The following BFSP2 variants were observed in gnomAD, a reference collection of about 807,000 sequenced individuals.
BFSP2 encodes the protein phakinin.
A neutral mutation model predicts 44.9 loss-of-function variants in BFSP2; 38 were observed. The ratio of observed to expected loss-of-function variants is 0.85; its 90% CI spans 0.65 to 1.11. The LOEUF (loss-of-function observed/expected upper bound fraction) is 1.11. Ranked by LOEUF, BFSP2 falls within the 50% of genes least tolerant of loss-of-function variation. BFSP2 has a pLI of 0.00. For missense variants in BFSP2, 525 were observed against 533.0 expected (o/e 0.99, Z 0.15); for synonymous variants, 197 against 209.9 (o/e 0.94, Z 0.53).
intron 1 of BFSP2, among the ~76,000 whole-genome samples, chr3:133,408,186 A>G (rs59988687): frequency 0.039 from 6,005 of 152,294 alleles, 238 homozygotes; most frequent in African/African-American, 0.099. Flanking sequence ...AAAAGCCGAT[A>G]GCACTCTTTT....
chr3:133,457,013 A>G (rs948499014), intron 4 of BFSP2, among the ~76,000 whole-genome samples: 1 of 152,242 alleles, frequency 6.6e-6, no homozygotes, highest in Non-Finnish European at 1.5e-5. Flanking sequence ...ACAAGAGTCA[A>G]TATTTTCTAA....
chr3:133,472,059 C>G (rs1048731454), intron 5 of BFSP2, among the ~76,000 whole-genome samples: 8 of 152,114 alleles, frequency 5.3e-5, no homozygotes, highest in Admixed American at 3.9e-4. Context: ...CCTCACACCC[C>G]CTTTCTTTTC....
At chr3:133,425,676 GTTCCGTCTCTCTT>G (rs2073637750) in intron 1 of BFSP2, among the ~76,000 whole-genome samples, 2 of 151,628 alleles carry the variant, frequency 1.3e-5, no homozygotes, top group African/African-American at 4.8e-5. Flanking sequence ...GCTGAAGTCA[GTTCCGTCTCTCTT>G]TCCTGCTATT....
chr3:133,414,580 C>T (rs1461676173), intron 1 of BFSP2, among the ~76,000 whole-genome samples: 1 of 126,726 alleles, frequency 7.9e-6, no homozygotes, highest in East Asian at 2.6e-4. Flanking sequence ...CCTCTCCTCT[C>T]TACTCAGCCC....
chr3:133,456,066 C>T (rs1346803889), intron 4 of BFSP2, among the ~76,000 whole-genome samples: 2 of 152,200 alleles, frequency 1.3e-5, no homozygotes, highest in Non-Finnish European at 2.9e-5. Context: ...ATCACCAGCA[C>T]AAGTTGGTGG....
At chr3:133,422,759 C>T (rs1349774194) in intron 1 of BFSP2, among the ~76,000 whole-genome samples, 2 of 152,266 alleles carry the variant, frequency 1.3e-5, no homozygotes, top group Non-Finnish European at 2.9e-5. Context: ...ACCCCCAGCC[C>T]AGCACCTGCC....
At chr3:133,455,108 T>G (rs1439035407) in intron 4 of BFSP2, among the ~76,000 whole-genome samples, 1 of 152,224 alleles carries the variant, frequency 6.6e-6, no homozygotes, top group Admixed American at 6.5e-5. Flanking sequence ...CTGAGGCTGT[T>G]TTACCGTTAA....
chr3:133,405,520 T>G (rs1217569094), intron 1 of BFSP2, among the ~76,000 whole-genome samples: 1 of 151,958 alleles, frequency 6.6e-6, no homozygotes, highest in East Asian at 1.9e-4. Flanking sequence ...TAGAAGGCTC[T>G]CTTTTTAGAA....
At chr3:133,420,550 T>C (rs953533666) in intron 1 of BFSP2, among the ~76,000 whole-genome samples, 2 of 152,142 alleles carry the variant, frequency 1.3e-5, no homozygotes, top group Non-Finnish European at 2.9e-5. Context: ...TGATATTCTG[T>C]AAACGCTCGT....
chr3:133,433,888 T>G (rs1412402545), intron 1 of BFSP2, among the ~76,000 whole-genome samples: 1 of 152,206 alleles, frequency 6.6e-6, no homozygotes, highest in Non-Finnish European at 1.5e-5. Flanking sequence ...CCATTTAAGC[T>G]CCCGTATAGA....
At chr3:133,455,588 A>G (rs1245690259) in intron 4 of BFSP2, 1 of 152,184 alleles carries the variant, frequency 6.6e-6, no homozygotes, top group Non-Finnish European at 1.5e-5. Context: ...TACATGTCAA[A>G]ATCTCTTCAT....
At chr3:133,426,869 C>T (rs1194042312) in intron 1 of BFSP2, among the ~76,000 whole-genome samples, 6 of 152,312 alleles carry the variant, frequency 3.9e-5, no homozygotes, top group Middle Eastern at 6.8e-3. Flanking sequence ...GAGAGAGAAA[C>T]ATCATTTAAG....
At chr3:133,456,140 G>C (rs1188157361) in intron 4 of BFSP2, among the ~76,000 whole-genome samples, 1 of 152,202 alleles carries the variant, frequency 6.6e-6, no homozygotes, top group Non-Finnish European at 1.5e-5. Context: ...CAAATGGATT[G>C]CTCCCATGCT....
At chr3:133,407,306 T>G (rs142405963) in intron 1 of BFSP2, among the ~76,000 whole-genome samples, 119 of 152,312 alleles carry the variant, frequency 7.8e-4, no homozygotes, top group African/African-American at 2.8e-3. Flanking sequence ...ATGAATCACC[T>G]CTAAACTTCA....
chr3:133,402,748 C>A (rs2073372410), intron 1 of BFSP2, among the ~76,000 whole-genome samples: 1 of 151,070 alleles, frequency 6.6e-6, no homozygotes, highest in South Asian at 2.1e-4. Flanking sequence ...TCAAGCAATT[C>A]TCCTGCCTCA....
At chr3:133,470,193 G>A (rs7616520) in intron 5 of BFSP2, among the ~76,000 whole-genome samples, 5,398 of 152,154 alleles carry the variant, frequency 0.035, 312 homozygotes, top group African/African-American at 0.12. Flanking sequence ...ATCACGTTTT[G>A]CCTCTTATAA....
chr3:133,456,752 AAAAT>A (rs964510805), intron 4 of BFSP2, among the ~76,000 whole-genome samples: 6 of 152,164 alleles, frequency 3.9e-5, no homozygotes, highest in Non-Finnish European at 8.8e-5. Context: ...CTCTGTCTCA[AAAAT>A]AAATAAATAA....
At chr3:133,419,921 G>A (rs943714467) in intron 1 of BFSP2, among the ~76,000 whole-genome samples, 2 of 152,236 alleles carry the variant, frequency 1.3e-5, no homozygotes, top group Admixed American at 6.5e-5. Context: ...AAACCACTCC[G>A]CCACAGGAGG....
At chr3:133,410,467 C>T (rs2073441319) in intron 1 of BFSP2, 1 of 276,828 alleles carries the variant, frequency 3.6e-6, no homozygotes, top group South Asian at 4.5e-5. Context: ...GCTGTCTCTT[C>T]GTTAAGCTCC....
Sources: gnomAD v4.1 joint callset for allele counts (sites outside exome capture counted in the v4.1 genomes callset) on GRCh38, gnomAD v4.1.1 for gene constraint, MANE v1.5 for transcripts, NCBI Gene and HGNC (gene_info 2026-07-23, HGNC 2026-07-21) for gene names.